The following EPHX4 variants were observed in gnomAD, a reference collection of about 807,000 sequenced individuals.
EPHX4 encodes the protein epoxide hydrolase 4, also known as abhydrolase domain containing 7.
Under a neutral mutation model 44.9 loss-of-function variants are expected in EPHX4, and 31 were observed. The ratio of observed to expected loss-of-function variants is 0.69; its 90% CI spans 0.52 to 0.93. The LOEUF (loss-of-function observed/expected upper bound fraction) is 0.93, where lower values mean the gene tolerates loss of function less well. Ranked by LOEUF, EPHX4 falls within the 40% of genes least tolerant of loss-of-function variation. The pLI is 0.00. For synonymous variants in EPHX4, 151 were observed against 159.7 expected (o/e 0.95, Z 0.41); for missense variants, 373 against 438.1 (o/e 0.85, Z 1.33).
At chr1:92,043,603 AT>A (rs1278529451) in intron 3 of EPHX4, 1 of 152,176 alleles carries the variant, frequency 6.6e-6, no homozygotes, top group Non-Finnish European at 1.5e-5. Context: ...CACTTGCATT[AT>A]TTCTGTTGTA....
chr1:92,039,405 G>T (rs1303317628), intron 2 of EPHX4, among the ~76,000 whole-genome samples: 1 of 152,100 alleles, frequency 6.6e-6, no homozygotes, highest in Non-Finnish European at 1.5e-5. Context: ...ATATTTAAGA[G>T]GTTAAATGAA....
chr1:92,051,407 T>A (rs1430403403), intron 5 of EPHX4, among the ~76,000 whole-genome samples: 1 of 152,216 alleles, frequency 6.6e-6, no homozygotes, highest in Admixed American at 6.5e-5. Flanking sequence ...TGTATTTAGT[T>A]GTTATGGCTT....
chr1:92,030,051 A>G lies in EPHX4; in HGVS notation c.-29A>G. ...GCGCTCGCTCACCCGCTCCCGAGGA[A>G]GGGCAGTGGGCCCCGCCGCCGCCTC... On this transcript the variant is annotated 5_prime_UTR_variant, in exon 1 of 7. Transcript: ENST00000370383. The G allele has an allele frequency of 6.7e-7, 1 of 1,502,432 alleles. No individual in the cohort carries two copies. The highest frequency in any genetic ancestry group is 8.9e-7 in the Non-Finnish European group (1 of 1,122,182). The allele number at this position is 1,502,432 out of a possible 1,614,324, so 93.1% of individuals were successfully genotyped here. A position where few individuals can be genotyped will look rare whatever the true frequency, so the allele number is the denominator to read the frequency against.
At chr1:92,037,319 G>T (rs1409884262) in intron 2 of EPHX4, among the ~76,000 whole-genome samples, 1 of 152,138 alleles carries the variant, frequency 6.6e-6, no homozygotes, top group African/African-American at 2.4e-5. Flanking sequence ...AATAGCTGAC[G>T]AGAAATGGTG....
chr1:92,049,256 T>G (rs140662602), intron 4 of EPHX4, among the ~76,000 whole-genome samples: 13 of 152,258 alleles, frequency 8.5e-5, no homozygotes, highest in African/African-American at 2.4e-4. Flanking sequence ...TTCCTGGATG[T>G]TCTCCGTAGA....
At chr1:92,056,456 T>C (rs992076619) in intron 6 of EPHX4, among the ~76,000 whole-genome samples, 13 of 152,154 alleles carry the variant, frequency 8.5e-5, no homozygotes, top group African/African-American at 3.1e-4. Flanking sequence ...GTGACAGTCT[T>C]ACAAGAAAAA....
Position 92,047,413 on chromosome 1 carries a change from A to AG in EPHX4, c.604+1754dup, listed in dbSNP as rs556202390. On this transcript the variant is annotated intron_variant, in intron 4 of 6. Coordinates refer to ENST00000370383, the MANE Select transcript of EPHX4 (RefSeq NM_173567.5). ...AGACCCTGTCTCAAAAAAAAAAAAA[A>AG]GCAGCTAATTCAACCCATCAACTCA... Among the ~76,000 whole-genome samples the AG allele has an allele frequency of 2.4e-4, 36 of 151,874 alleles. No homozygotes were observed. The Middle Eastern group carries it at 0.017, about 72-fold the overall frequency.
At chr1:92,031,016 C>T (rs1196896454) in intron 1 of EPHX4, among the ~76,000 whole-genome samples, 2 of 152,076 alleles carry the variant, frequency 1.3e-5, no homozygotes, top group Admixed American at 6.6e-5. Flanking sequence ...GAAATAGTTC[C>T]CGTGATACAC....
At chr1:92,058,654 C>T (rs1171092910) in intron 6 of EPHX4, among the ~76,000 whole-genome samples, 2 of 151,894 alleles carry the variant, frequency 1.3e-5, no homozygotes, top group African/African-American at 4.8e-5. Flanking sequence ...GGGAAACTGA[C>T]CTTTGCTTTA....
intron 4 of EPHX4, among the ~76,000 whole-genome samples, chr1:92,046,960 T>C (rs916269409): frequency 1.3e-5 from 2 of 152,240 alleles, no homozygotes; most frequent in Admixed American, 1.3e-4. Flanking sequence ...CATTTCATCA[T>C]ACAGGATCAA....
chr1:92,061,746 G>T (rs192424265), intron 6 of EPHX4, among the ~76,000 whole-genome samples: 2 of 152,120 alleles, frequency 1.3e-5, no homozygotes, highest in African/African-American at 4.8e-5. Context: ...AAAATTCTTG[G>T]TATCATTTAA....
At chr1:92,046,583 C>G (rs930327679) in intron 4 of EPHX4, among the ~76,000 whole-genome samples, 6 of 151,824 alleles carry the variant, frequency 4.0e-5, no homozygotes, top group African/African-American at 1.5e-4. Context: ...CCTGCCTCAG[C>G]CTCCCGAGTA....
intron 3 of EPHX4, chr1:92,043,505 A>C (rs1260744681): frequency 6.6e-6 from 1 of 151,792 alleles, no homozygotes; most frequent in East Asian, 1.9e-4. Context: ...TATTATTTTG[A>C]GAAATAATTA....
At chr1:92,033,066 TACC>T (rs1438634009) in intron 2 of EPHX4, among the ~76,000 whole-genome samples, 2 of 148,820 alleles carry the variant, frequency 1.3e-5, no homozygotes, top group African/African-American at 2.4e-5. Flanking sequence ...TACAGGCATC[TACC>T]ACCACACCTA....
intron 2 of EPHX4, among the ~76,000 whole-genome samples, chr1:92,033,823 G>A (rs1688396199): frequency 6.6e-6 from 1 of 151,944 alleles, no homozygotes; most frequent in Admixed American, 6.6e-5. Flanking sequence ...ATCCATGTCT[G>A]TGTGTGTCCA....
In EPHX4 at chr1:92,042,922, A is replaced by G; in HGVS notation, c.417A>G (p.Arg139=). 1 of 1,613,196 alleles carries G rather than the reference A, an allele frequency of 6.2e-7. No individual in the cohort carries two copies. Residue 139 remains arginine, a synonymous_variant, in exon 3 of 7, where the codon CGA becomes CGG. Coordinates refer to ENST00000370383, the MANE Select transcript of EPHX4 (RefSeq NM_173567.5). ...GAGAAACAGATGCTCCCATTCATCG[A>G]CAGAATTATAAATTGGATTGTCTAA... is the stretch of plus-strand genomic sequence containing the variant. ...GYGETDAPIH[R]QNYKLDCLIT... is the part of the protein sequence containing the mutation.
intron 2 of EPHX4, among the ~76,000 whole-genome samples, chr1:92,041,216 T>G (rs2101868737): frequency 6.6e-6 from 1 of 152,276 alleles, no homozygotes; most frequent in African/African-American, 2.4e-5. Context: ...TTCTAATTGG[T>G]CAGTGCTGGT....
rs1358000501 is a variant in EPHX4, at chr1:92,048,089, ATATTTCTATTTCTTCC to A, written c.605-2225_605-2210del. ...TAGGAAATAAAAAATTCAGAACCAC[ATATTTCTATTTCTTCC>A]TAAAAATTAAACAGGTAAGGAAGAA... On this transcript the variant is annotated intron_variant, in intron 4 of 6. Coordinates refer to ENST00000370383, the MANE Select transcript of EPHX4 (RefSeq NM_173567.5). 3.9e-5 allele frequency among the ~76,000 whole-genome samples: 6 copies of A among 152,322 alleles called. No individual in the cohort carries two copies. The East Asian group carries it at 1.2e-3, about 29-fold the overall frequency.
chr1:92,032,416 A>T, intron 1 of EPHX4, 89 bp from the exon 2 acceptor site: 1 of 955,600 alleles, frequency 1.0e-6, no homozygotes, highest in East Asian at 2.4e-5. Flanking sequence ...AAGGCAAGTT[A>T]CTATTTTTTT....
Sources: allele counts gnomAD v4.1 joint callset (sites outside exome capture counted in the v4.1 genomes callset), GRCh38; gene constraint gnomAD v4.1.1; transcripts MANE v1.5; gene names NCBI Gene and HGNC (gene_info 2026-07-23, HGNC 2026-07-21).